The following DPF3 variants were observed in gnomAD, a reference collection of about 807,000 sequenced individuals.
DPF3 encodes double PHD fingers 3, also known as zinc finger protein DPF3.
A neutral mutation model predicts 56.8 loss-of-function variants in DPF3; 18 were observed. The ratio of observed to expected loss-of-function variants is 0.32; its 90% confidence interval spans 0.22 to 0.47. The LOEUF (loss-of-function observed/expected upper bound fraction) is 0.47, where lower values mean the gene tolerates loss of function less well. DPF3 is among the 20% of genes least tolerant of loss of function. The probability of loss-of-function intolerance (pLI) is 1.00; values close to 1 mark genes in which losing one functional copy is unlikely to be tolerated. For missense variants in DPF3, 403 were observed against 488.8 expected, an observed-to-expected ratio of 0.82 and a Z score of 1.65; for synonymous variants, 188 against 180.2, an observed-to-expected ratio of 1.04 and a Z score of -0.35.
At chr14:72,869,098 G>T (rs1885791511) in intron 1 of DPF3, among the ~76,000 whole-genome samples, 1 of 152,040 alleles carries the variant, frequency 6.6e-6, no homozygotes, top group Non-Finnish European at 1.5e-5. Flanking sequence ...GCCTTCCATG[G>T]GTCCCCCAAC....
intron 6 of DPF3, among the ~76,000 whole-genome samples, chr14:72,697,058 GTTATTAGCA>G (rs1291012877): frequency 1.3e-3 from 38 of 29,504 alleles, no homozygotes. Context: ...CCTTTGTTCA[GTTATTAGCA>G]GTTATTAGCA....
chr14:72,714,566 G>T, intron 5 of DPF3, 65 bp from the exon 6 acceptor site: 1 of 1,562,566 alleles, frequency 6.4e-7, no homozygotes, highest in Non-Finnish European at 8.8e-7. Flanking sequence ...CGGAGCATGC[G>T]CTCTGCGAGC....
intron 8 of DPF3, among the ~76,000 whole-genome samples, chr14:72,637,517 T>G (rs1885419884): frequency 6.6e-6 from 1 of 152,246 alleles, no homozygotes; most frequent in African/African-American, 2.4e-5. Context: ...TTCCAGGTAC[T>G]GGGGATATAG....
intron 8 of DPF3, among the ~76,000 whole-genome samples, chr14:72,635,809 C>T (rs1033213584): frequency 6.6e-6 from 1 of 152,018 alleles, no homozygotes; most frequent in African/African-American, 2.4e-5. Context: ...TTATTATCAC[C>T]GGTATTTAAT....
intron 1 of DPF3, among the ~76,000 whole-genome samples, chr14:72,867,770 A>G (rs1264500546): frequency 6.6e-6 from 1 of 151,928 alleles, no homozygotes; most frequent in Admixed American, 6.6e-5. Flanking sequence ...GGAGATTCTC[A>G]CTCTGTTACC....
intron 1 of DPF3, among the ~76,000 whole-genome samples, chr14:72,792,622 GCT>G (rs951592521): frequency 1.3e-5 from 2 of 152,084 alleles, no homozygotes; most frequent in Non-Finnish European, 2.9e-5. Context: ...CTGCTGGCCA[GCT>G]CTCAGTCCCC....
intron 6 of DPF3, among the ~76,000 whole-genome samples, chr14:72,708,546 G>A (rs551612805): frequency 5.3e-5 from 8 of 152,210 alleles, no homozygotes; most frequent in Non-Finnish European, 1.0e-4. Flanking sequence ...AGCTTGAAGC[G>A]AAAAGCACGT....
At chr14:72,661,044 T>C in intron 8 of DPF3, 1 of 985,434 alleles carries the variant, frequency 1.0e-6, no homozygotes, top group Non-Finnish European at 1.2e-6. Flanking sequence ...AGAGATGCTA[T>C]AGGAGCATTG....
intron 1 of DPF3, among the ~76,000 whole-genome samples, chr14:72,893,518 G>C: frequency 6.6e-6 from 1 of 152,146 alleles, no homozygotes; most frequent in East Asian, 1.9e-4. Flanking sequence ...CCCCGCGAGC[G>C]ATCGGAAGGC....
rs57844472 is a variant in DPF3 at position 72,659,819 on chromosome 14, A to G, written c.871+14421T>C. 6.7e-3 allele frequency among the ~76,000 whole-genome samples: 1,017 copies of G among 152,372 alleles called. 13 individuals are homozygous for G. Among genetic ancestry groups the G allele is most frequent in the African/African-American group, 0.023 (974 of 41,590 alleles). ...CATTTTACTCTGTGTTCATCAAAAG[A>G]TACATGGATAAGCTAAATGCGGTTT... On this transcript the variant is annotated intron_variant, in intron 8 of 10. Coordinates refer to ENST00000556509, the MANE Select transcript of DPF3 (RefSeq NM_001280542.3).
At chr14:72,890,501 GATA>G (rs58089317) in intron 1 of DPF3, among the ~76,000 whole-genome samples, 17 of 146,484 alleles carry the variant, frequency 1.2e-4, no homozygotes, top group South Asian at 2.2e-4. Flanking sequence ...AAAAAATAAT[GATA>G]ATAATAATAA....
chr14:72,819,421 A>G (rs113835491), intron 1 of DPF3, among the ~76,000 whole-genome samples: 105 of 152,340 alleles, frequency 6.9e-4, no homozygotes, highest in African/African-American at 2.4e-3. Context: ...AACTTTATTC[A>G]TAATAGCCAA....
intron 1 of DPF3, among the ~76,000 whole-genome samples, chr14:72,866,875 T>C (rs934801895): frequency 6.7e-6 from 1 of 149,242 alleles, no homozygotes; most frequent in African/African-American, 2.5e-5. Flanking sequence ...TCCACCCGAC[T>C]CGGCCTCCCA....
rs898129034 is a variant in DPF3, at chr14:72,612,743, A to C, written c.*6554T>G. On this transcript the variant is annotated 3_prime_UTR_variant, in exon 11 of 11. Transcript: ENST00000556509. ...AGAATTGAGACTTTTGAAGTACCCA[A>C]CTATTGCCAAATATCTTTCATGAAA... The C allele has an allele frequency of 2.5e-6, 1 of 393,232 alleles. No homozygotes were observed. Among genetic ancestry groups the C allele is most frequent in the Admixed American group, 3.1e-5 (1 of 32,226 alleles). 24.4% of individuals were successfully genotyped at this position (393,232 alleles called of 1,614,324 possible). A position where few individuals can be genotyped will look rare whatever the true frequency, so the allele number is the denominator to read the frequency against.
chr14:72,746,008 C>T (rs970832108), intron 3 of DPF3, among the ~76,000 whole-genome samples: 1 of 152,180 alleles, frequency 6.6e-6, no homozygotes. Flanking sequence ...AAAGGGACCC[C>T]CACCAGGTGC....
In DPF3 at chr14:72,612,453, T is replaced by C. The variant is rs1883786216; in HGVS notation, c.*6844A>G. The C allele has an allele frequency of 3.9e-6, 2 of 518,450 alleles. No individual in the cohort carries two copies. The highest frequency in any genetic ancestry group is 7.7e-6 in the Non-Finnish European group (2 of 259,620). 32.1% of individuals were successfully genotyped at this position (518,450 alleles called of 1,614,324 possible). The stretch of plus-strand genomic sequence containing the variant: ...TCCTTTTTTTTTTTCTAGTACCTAA[T>C]TTAGGCTTCTTCAACTACATGTTGA... On this transcript the variant is annotated 3_prime_UTR_variant, in exon 11 of 11. Transcript: ENST00000556509.
At chr14:72,812,224 T>C (rs1438557241) in intron 1 of DPF3, among the ~76,000 whole-genome samples, 1 of 151,940 alleles carries the variant, frequency 6.6e-6, no homozygotes, top group Non-Finnish European at 1.5e-5. Flanking sequence ...CCGCTTACCT[T>C]TTTCCCATCC....
At chr14:72,817,711 G>A (rs546610637) in intron 1 of DPF3, among the ~76,000 whole-genome samples, 54 of 151,810 alleles carry the variant, frequency 3.6e-4, no homozygotes, top group African/African-American at 1.2e-3. Flanking sequence ...AAGAATTGAG[G>A]TTAAAAAAAA....
chr14:72,707,670 C>T (rs1888462191), intron 6 of DPF3, among the ~76,000 whole-genome samples: 1 of 135,172 alleles, frequency 7.4e-6, no homozygotes, highest in South Asian at 2.2e-4. Flanking sequence ...TAGTCGTCTT[C>T]TGTGTGCGTG....
Sources: allele counts gnomAD v4.1 joint callset (sites outside exome capture counted in the v4.1 genomes callset), GRCh38; gene constraint gnomAD v4.1.1; transcripts MANE v1.5; gene names NCBI Gene and HGNC (gene_info 2026-07-23, HGNC 2026-07-21).